The following ULK4 variants were observed in gnomAD, a reference collection of about 807,000 sequenced individuals.
ULK4 encodes inactive serine/threonine-protein kinase ULK4.
A neutral mutation model predicts 160.6 loss-of-function variants in ULK4; 133 were observed. The ratio of observed to expected loss-of-function variants is 0.83; its 90% confidence interval spans 0.72 to 0.96. The LOEUF is 0.96. Among genes scored for constraint, ULK4 ranks in the 40% least tolerant of loss-of-function variants. ULK4 has a pLI of 0.00. For synonymous variants in ULK4, 534 were observed against 539.8 expected (o/e 0.99, Z 0.15); for missense variants, 1,580 against 1,499.5 (o/e 1.05, Z -0.89).
At chr3:41,464,704 G>A (rs2083782883) in intron 32 of ULK4, among the ~76,000 whole-genome samples, 1 of 152,126 alleles carries the variant, frequency 6.6e-6, no homozygotes, top group African/African-American at 2.4e-5. Flanking sequence ...TTTTCATTTG[G>A]GGGTTCCTGA....
rs141255217 is a variant in ULK4 at position 41,815,326 on chromosome 3, G to T, written c.1848+4097C>A. ...TTGTGCTATTTGTTCCATCTGTTTT[G>T]TATTTCTTCGTGTCTTTTTTGTTTC... On this transcript the variant is annotated intron_variant, in intron 19 of 36. Coordinates refer to ENST00000301831, the MANE Select transcript of ULK4 (RefSeq NM_017886.4). Among the ~76,000 whole-genome samples the T allele has an allele frequency of 3.1e-3, 476 of 152,058 alleles. 1 individual carries two copies. The highest frequency in any genetic ancestry group is 0.011 in the African/African-American group (452 of 41,480).
intron 30 of ULK4, among the ~76,000 whole-genome samples, chr3:41,634,345 C>T (rs1287427825): frequency 6.6e-6 from 1 of 152,122 alleles, no homozygotes; most frequent in Non-Finnish European, 1.5e-5. Context: ...TGAAGCATCC[C>T]CTAGTTCTTC....
intron 22 of ULK4, among the ~76,000 whole-genome samples, chr3:41,747,183 T>C (rs1053165949): frequency 9.9e-5 from 15 of 151,946 alleles, no homozygotes; most frequent in African/African-American, 3.6e-4. Flanking sequence ...ACTTTGGTTC[T>C]GTAAAATATC....
chr3:41,388,132 G>A (rs1011122934), intron 35 of ULK4, among the ~76,000 whole-genome samples: 5 of 152,184 alleles, frequency 3.3e-5, no homozygotes, highest in Non-Finnish European at 5.9e-5. Context: ...CAGTGATGAT[G>A]AGCGTTTTTT....
intron 35 of ULK4, among the ~76,000 whole-genome samples, chr3:41,293,972 G>T (rs916373486): frequency 2.0e-5 from 3 of 152,204 alleles, no homozygotes; most frequent in Non-Finnish European, 2.9e-5. Context: ...AACATATGAA[G>T]GTGTGGAACA....
rs537847592 is a variant in ULK4, at chr3:41,701,627, AG to A, written c.2781+3429del. ...GAAGACAGGAATGAAAACTAAAAAA[AG>A]AAGCATACAAAAGTAGTAAATACGT... On this transcript the variant is annotated intron_variant, in intron 27 of 36. Coordinates refer to ENST00000301831, the MANE Select transcript of ULK4 (RefSeq NM_017886.4). Among the ~76,000 whole-genome samples, 17 of 152,334 alleles carry A rather than the reference AG, an allele frequency of 1.1e-4. No homozygotes were observed. In the South Asian group the frequency reaches 3.3e-3, roughly 30 times the overall value.
intron 30 of ULK4, among the ~76,000 whole-genome samples, chr3:41,631,582 A>C (rs1449485252): frequency 6.6e-6 from 1 of 152,146 alleles, no homozygotes; most frequent in African/African-American, 2.4e-5. Flanking sequence ...CAGAATGGAG[A>C]TTTTAAATGT....
intron 31 of ULK4, among the ~76,000 whole-genome samples, chr3:41,584,316 G>C (rs535307601): frequency 6.6e-6 from 1 of 152,218 alleles, no homozygotes; most frequent in African/African-American, 2.4e-5. Context: ...TTTTGAGAAA[G>C]AGTCTCACTC....
At chr3:41,703,588 C>CA (rs1346502910) in intron 27 of ULK4, among the ~76,000 whole-genome samples, 1 of 150,832 alleles carries the variant, frequency 6.6e-6, no homozygotes, top group Non-Finnish European at 1.5e-5. Context: ...ATATTTACCC[C>CA]AAAAAGTTAG....
rs567697004 is a variant in ULK4, at chr3:41,306,047, G to A, written c.3679-56473C>T. On this transcript the variant is annotated intron_variant, in intron 35 of 36. Transcript: ENST00000301831. Reference sequence around the variant, plus strand: ...GGCAGTCGCCCCGTCTGAGAAGTGAGGAGCCTCTCCGCCCAGCAGCCACCC... The same window carrying A: ...GGCAGTCGCCCCGTCTGAGAAGTGAAGAGCCTCTCCGCCCAGCAGCCACCC... Among the ~76,000 whole-genome samples, 3 of 149,600 alleles carry A rather than the reference G, an allele frequency of 2.0e-5. No individual in the cohort carries two copies. In the East Asian group the frequency reaches 6.0e-4, roughly 30 times the overall value.
At chr3:41,307,530 A>C (rs773257517) in intron 35 of ULK4, among the ~76,000 whole-genome samples, 2 of 152,190 alleles carry the variant, frequency 1.3e-5, no homozygotes, top group Admixed American at 6.5e-5. Context: ...ATCCCCCTAC[A>C]AATAAAGCTA....
chr3:41,460,095 C>A (rs1249763636), intron 33 of ULK4, among the ~76,000 whole-genome samples: 1 of 152,072 alleles, frequency 6.6e-6, no homozygotes, highest in African/African-American at 2.4e-5. Context: ...ACAGACAGCC[C>A]CCTAAAATAG....
intron 31 of ULK4, among the ~76,000 whole-genome samples, chr3:41,582,675 T>C (rs1026573675): frequency 2.6e-5 from 4 of 152,184 alleles, no homozygotes; most frequent in Non-Finnish European, 4.4e-5. Flanking sequence ...GCTCTACCTC[T>C]CTGGTTGGAA....
intron 35 of ULK4, among the ~76,000 whole-genome samples, chr3:41,353,702 C>T (rs1211191612): frequency 4.6e-5 from 1 of 21,580 alleles, no homozygotes; most frequent in Non-Finnish European, 1.2e-4. Flanking sequence ...ATTACAATTA[C>T]TACTACTACT....
chr3:41,321,642 G>A (rs1223528900), intron 35 of ULK4, among the ~76,000 whole-genome samples: 1 of 109,872 alleles, frequency 9.1e-6, no homozygotes. Context: ...GATAAAACCT[G>A]AAACTGGTGA....
Position 41,681,519 on chromosome 3 carries a change from G to C in ULK4, c.2967C>G (p.Val989=). The change falls in exon 29 of 37, where the codon GTC becomes GTG. Residue 989 remains valine, a synonymous_variant. Coordinates refer to ENST00000301831, the MANE Select transcript of ULK4 (RefSeq NM_017886.4). Reference sequence around the variant, plus strand: ...TGCATGATACTTACTGGGGAAGTAAGACATCTCGAATGAGAGCCAGAAGAT... The same window carrying C: ...TGCATGATACTTACTGGGGAAGTAACACATCTCGAATGAGAGCCAGAAGAT... ...DSNLLALIRD[V]LLPQYEHILL... 6.2e-7 allele frequency: 1 copy of C among 1,613,974 alleles called. No individual in the cohort carries two copies. Among genetic ancestry groups the C allele is most frequent in the African/African-American group, 1.3e-5 (1 of 75,028 alleles).
At chr3:41,498,092 AGAAT>A (rs1270634259) in intron 32 of ULK4, among the ~76,000 whole-genome samples, 1 of 152,036 alleles carries the variant, frequency 6.6e-6, no homozygotes, top group Non-Finnish European at 1.5e-5. Flanking sequence ...CCACAACTCC[AGAAT>A]ACACACTCTT....
chr3:41,827,648 C>G (rs1290190784), intron 18 of ULK4, among the ~76,000 whole-genome samples: 7 of 152,076 alleles, frequency 4.6e-5, no homozygotes, highest in African/African-American at 1.5e-4. Context: ...GAAATTGAGG[C>G]AATAATTAAT....
At chr3:41,294,203 A>G (rs2079626369) in intron 35 of ULK4, among the ~76,000 whole-genome samples, 1 of 152,198 alleles carries the variant, frequency 6.6e-6, no homozygotes, top group Non-Finnish European at 1.5e-5. Flanking sequence ...TAGTGCTGCT[A>G]TAAAAAGAGC....
Sources: gnomAD v4.1 joint callset for allele counts (sites outside exome capture counted in the v4.1 genomes callset) on GRCh38, gnomAD v4.1.1 for gene constraint, MANE v1.5 for transcripts, NCBI Gene and HGNC (gene_info 2026-07-23, HGNC 2026-07-21) for gene names.